The following GRID2 variants were observed in gnomAD, a reference collection of about 807,000 sequenced individuals.
GRID2 encodes glutamate ionotropic receptor delta type subunit 2.
Under a neutral mutation model 114.8 loss-of-function variants are expected in GRID2, and 33 were observed. That is an observed-to-expected ratio of 0.29 (90% CI 0.22 to 0.38). GRID2 has a LOEUF of 0.38. GRID2 is among the 10% of genes least tolerant of loss of function. The probability of loss-of-function intolerance (pLI) is 1.00; values close to 1 mark genes in which losing one functional copy is unlikely to be tolerated. For synonymous variants in GRID2, 505 were observed against 449.9 expected (o/e 1.12, Z -1.55); for missense variants, 1,184 against 1,257.7 (o/e 0.94, Z 0.89).
intron 12 of GRID2, among the ~76,000 whole-genome samples, chr4:93,508,452 C>T (rs1040742270): frequency 6.6e-6 from 1 of 152,094 alleles, no homozygotes; most frequent in Non-Finnish European, 1.5e-5. Context: ...GCCTTGGCCT[C>T]CCAAAGGGCT....
intron 2 of GRID2, among the ~76,000 whole-genome samples, chr4:92,682,701 C>CACAA (rs1733708677): frequency 1.3e-5 from 2 of 151,844 alleles, no homozygotes; most frequent in African/African-American, 4.8e-5. Context: ...CACACACACA[C>CACAA]ACACACACAC....
At chr4:93,248,217 C>T (rs1245585394) in intron 8 of GRID2, among the ~76,000 whole-genome samples, 1 of 152,186 alleles carries the variant, frequency 6.6e-6, no homozygotes, top group East Asian at 1.9e-4. Flanking sequence ...TGTTCAGGAC[C>T]CAGTACTATG....
At chr4:92,986,713 A>G (rs1560771760) in intron 2 of GRID2, among the ~76,000 whole-genome samples, 1 of 152,212 alleles carries the variant, frequency 6.6e-6, no homozygotes, top group Non-Finnish European at 1.5e-5. Context: ...ATTTCAAAAT[A>G]CAGACTTTTT....
rs116692224 is a variant in GRID2, at chr4:92,570,368, A to G, written c.89-19763A>G. ...GTTTTGGTTACTGTAGCCCTGTGGT[A>G]TAGTTTGAAGTGAGATAGCATGAAG... On this transcript the variant is annotated intron_variant, in intron 1 of 15. Transcript: ENST00000282020. Among the ~76,000 whole-genome samples, 1,407 of 152,176 alleles carry G rather than the reference A, an allele frequency of 9.2e-3. 16 individuals are homozygous for G. The highest frequency in any genetic ancestry group is 0.035 in the South Asian group (171 of 4,826).
chr4:92,685,468 A>C (rs1464891720), intron 2 of GRID2, among the ~76,000 whole-genome samples: 1 of 152,132 alleles, frequency 6.6e-6, no homozygotes, highest in Non-Finnish European at 1.5e-5. Context: ...TCATCAGGAA[A>C]AAGGGAAGTG....
intron 2 of GRID2, among the ~76,000 whole-genome samples, chr4:92,868,017 T>TTTC: frequency 3.5e-5 from 1 of 28,268 alleles, no homozygotes; most frequent in African/African-American, 1.2e-4. Context: ...ACTGAAAGGT[T>TTTC]TTCTTTCTTT....
intron 12 of GRID2, among the ~76,000 whole-genome samples, chr4:93,504,511 A>G (rs199704040): frequency 1.3e-5 from 2 of 152,176 alleles, no homozygotes; most frequent in East Asian, 3.9e-4. Flanking sequence ...ATGTATAAGG[A>G]CCTTTACAAA....
At chr4:92,357,777 T>C (rs1728401973) in intron 1 of GRID2, among the ~76,000 whole-genome samples, 1 of 151,898 alleles carries the variant, frequency 6.6e-6, no homozygotes, top group Non-Finnish European at 1.5e-5. Flanking sequence ...TAAAATATGA[T>C]ATTTTAAATA....
chr4:92,458,619 A>G (rs1560644688), intron 1 of GRID2, among the ~76,000 whole-genome samples: 1 of 152,196 alleles, frequency 6.6e-6, no homozygotes, highest in Non-Finnish European at 1.5e-5. Context: ...TTAAAATTCT[A>G]GATTAAATCA....
intron 8 of GRID2, among the ~76,000 whole-genome samples, chr4:93,313,720 G>A (rs963763791): frequency 1.3e-5 from 2 of 152,100 alleles, no homozygotes; most frequent in African/African-American, 4.8e-5. Context: ...AAAGTAATAT[G>A]ATAATCAGTT....
intron 1 of GRID2, among the ~76,000 whole-genome samples, chr4:92,569,496 G>C (rs1282407944): frequency 6.6e-6 from 1 of 152,094 alleles, no homozygotes; most frequent in Admixed American, 6.6e-5. Flanking sequence ...CCAGTAGTGA[G>C]AGTGTTGGGT....
At chr4:92,426,553 A>C (rs1200933380) in intron 1 of GRID2, among the ~76,000 whole-genome samples, 1 of 152,136 alleles carries the variant, frequency 6.6e-6, no homozygotes, top group Non-Finnish European at 1.5e-5. Context: ...TGATAGCTTC[A>C]TCTAAATCCA....
intron 2 of GRID2, among the ~76,000 whole-genome samples, chr4:92,759,739 G>A (rs1737898236): frequency 6.6e-6 from 1 of 151,298 alleles, no homozygotes; most frequent in African/African-American, 2.4e-5. Context: ...AAGTAGCTCG[G>A]ATTACAGACA....
chr4:93,460,579 C>G (rs928516854), intron 11 of GRID2, among the ~76,000 whole-genome samples: 1 of 152,114 alleles, frequency 6.6e-6, no homozygotes, highest in African/African-American at 2.4e-5. Flanking sequence ...TAGTGTAATT[C>G]CTTTTTTTAA....
chr4:92,496,397 A>C (rs912709320), intron 1 of GRID2, among the ~76,000 whole-genome samples: 1 of 151,888 alleles, frequency 6.6e-6, no homozygotes, highest in African/African-American at 2.4e-5. Context: ...GATCTTGTAT[A>C]AATGAGCAGT....
intron 2 of GRID2, among the ~76,000 whole-genome samples, chr4:92,879,119 T>C (rs1181638458): frequency 6.6e-6 from 1 of 152,148 alleles, no homozygotes; most frequent in African/African-American, 2.4e-5. Flanking sequence ...TTAATGCAAA[T>C]GTATATAGAC....
chr4:93,679,658 A>G (rs1345529369), intron 14 of GRID2, among the ~76,000 whole-genome samples: 1 of 150,960 alleles, frequency 6.6e-6, no homozygotes, highest in Non-Finnish European at 1.5e-5. Flanking sequence ...GGAAACTGAC[A>G]GCCTGCTCCT....
At chr4:92,923,947 C>T (rs942758782) in intron 2 of GRID2, among the ~76,000 whole-genome samples, 16 of 152,252 alleles carry the variant, frequency 1.1e-4, no homozygotes, top group African/African-American at 3.6e-4. Context: ...GACACATGCA[C>T]ACGTATGTTT....
Position 93,772,486 on chromosome 4 carries a change from C to A in GRID2, c.3012C>A (p.Gly1004=). 3 of 1,591,042 alleles carry A rather than the reference C, an allele frequency of 1.9e-6. No individual in the cohort carries two copies. Among genetic ancestry groups the A allele is most frequent in the Non-Finnish European group, 1.7e-6 (2 of 1,168,112 alleles). The part of the protein sequence containing the change: ...GLNLGNDPDR[G]TSI ...ATCTGGGTAATGATCCAGACCGAGG[C>A]ACCTCCATATGAGCATCAAACAAAT... Residue 1004 remains glycine, a synonymous_variant, in exon 16 of 16, where the codon GGC becomes GGA. Transcript: ENST00000282020.
Sources: gnomAD v4.1 joint callset for allele counts (sites outside exome capture counted in the v4.1 genomes callset) on GRCh38, gnomAD v4.1.1 for gene constraint, MANE v1.5 for transcripts, NCBI Gene and HGNC (gene_info 2026-07-23, HGNC 2026-07-21) for gene names.